Variants in RNF13 observed in about 807,000 individuals in gnomAD.
RNF13 encodes the protein E3 ubiquitin-protein ligase RNF13.
In RNF13, 19 loss-of-function variants were observed where a neutral mutation model predicts 37.7. The observed-to-expected ratio is 0.50, with a 90% confidence interval of 0.35 to 0.74. RNF13 has a LOEUF of 0.74. RNF13 is among the 30% of genes least tolerant of loss of function. The probability of loss-of-function intolerance (pLI) is 0.01; values close to 1 mark genes in which losing one functional copy is unlikely to be tolerated. For synonymous variants in RNF13, 144 were observed against 157.8 expected (o/e 0.91, Z 0.65); for missense variants, 375 against 453.0 (o/e 0.83, Z 1.56).
rs1360265141 is a variant in RNF13, at chr3:149,934,220, A to G, written c.700+12993A>G. Among the ~76,000 whole-genome samples, 11 of 151,902 alleles carry G rather than the reference A, an allele frequency of 7.2e-5. No individual in the cohort carries two copies. In the South Asian group the frequency reaches 2.1e-3, roughly 29 times the overall value. ...ATTATATTCTAGGGTATTGATTGTA[A>G]TTTTTTTCATTTATACTTTGAGTGT... is the stretch of plus-strand genomic sequence containing the variant. On this transcript the variant is annotated intron_variant, in intron 8 of 9. Coordinates refer to ENST00000392894, the MANE Select transcript of RNF13 (RefSeq NM_183381.3).
intron 1 of RNF13, among the ~76,000 whole-genome samples, chr3:149,816,259 G>T (rs1003382156): frequency 8.6e-5 from 13 of 152,026 alleles, no homozygotes; most frequent in Non-Finnish European, 1.8e-4. Flanking sequence ...CATAACTTCT[G>T]AGTTCACACA....
chr3:149,946,800 T>C (rs1244780069), intron 8 of RNF13, among the ~76,000 whole-genome samples: 1 of 152,210 alleles, frequency 6.6e-6, no homozygotes, highest in Non-Finnish European at 1.5e-5. Flanking sequence ...TTCCTGTTTG[T>C]TTCATTTGTC....
At chr3:149,853,599 A>G (rs1723356520) in intron 3 of RNF13, among the ~76,000 whole-genome samples, 1 of 152,034 alleles carries the variant, frequency 6.6e-6, no homozygotes, top group Admixed American at 6.6e-5. Flanking sequence ...ATTGTTTGCC[A>G]TATATGCTTC....
chr3:149,926,337 G>A (rs986412683), intron 8 of RNF13, among the ~76,000 whole-genome samples: 1 of 151,922 alleles, frequency 6.6e-6, no homozygotes, highest in Non-Finnish European at 1.5e-5. Context: ...TCATCCTGCC[G>A]AGTAGCTGGG....
At chr3:149,829,039 A>G (rs796888097) in intron 1 of RNF13, among the ~76,000 whole-genome samples, 97 of 152,314 alleles carry the variant, frequency 6.4e-4, no homozygotes, top group African/African-American at 2.3e-3. Context: ...GAGAAACTAT[A>G]ACTTTGGGAT....
chr3:149,850,161 G>A (rs914191024), intron 2 of RNF13, among the ~76,000 whole-genome samples: 12 of 152,032 alleles, frequency 7.9e-5, no homozygotes, highest in African/African-American at 2.4e-4. Flanking sequence ...TGTATTTTTA[G>A]TAGAGATGGG....
At chr3:149,945,578 C>T (rs1194157772) in intron 8 of RNF13, among the ~76,000 whole-genome samples, 1 of 152,094 alleles carries the variant, frequency 6.6e-6, no homozygotes, top group Non-Finnish European at 1.5e-5. Flanking sequence ...AGTGGTTCTC[C>T]CAGCACGCAG....
At chr3:149,842,117 AGT>A (rs1325026958) in intron 1 of RNF13, among the ~76,000 whole-genome samples, 1 of 151,882 alleles carries the variant, frequency 6.6e-6, no homozygotes, top group Non-Finnish European at 1.5e-5. Context: ...TATCCCTCAG[AGT>A]TTTTTAGTCC....
At chr3:149,831,064 A>G (rs982936856) in intron 1 of RNF13, among the ~76,000 whole-genome samples, 2 of 152,258 alleles carry the variant, frequency 1.3e-5, no homozygotes, top group African/African-American at 4.8e-5. Context: ...CAGAGAATGT[A>G]TGGAAATGCC....
intron 1 of RNF13, among the ~76,000 whole-genome samples, chr3:149,823,557 A>G (rs1720200443): frequency 1.3e-5 from 2 of 152,188 alleles, no homozygotes; most frequent in African/African-American, 2.4e-5. Flanking sequence ...AATCAGAAGT[A>G]TGGAAAGATT....
chr3:149,893,084 C>A (rs1714883663), intron 4 of RNF13, among the ~76,000 whole-genome samples: 1 of 152,122 alleles, frequency 6.6e-6, no homozygotes, highest in Admixed American at 6.5e-5. Flanking sequence ...CTGAAATTTC[C>A]TTAAGGATAA....
At chr3:149,857,079 A>G (rs1485801894) in intron 3 of RNF13, among the ~76,000 whole-genome samples, 1 of 152,168 alleles carries the variant, frequency 6.6e-6, no homozygotes, top group Non-Finnish European at 1.5e-5. Flanking sequence ...CTGCCCAGAA[A>G]GTTTAGGTGA....
intron 8 of RNF13, among the ~76,000 whole-genome samples, chr3:149,941,551 T>C (rs1720278774): frequency 6.7e-6 from 1 of 149,988 alleles, no homozygotes; most frequent in African/African-American, 2.4e-5. Context: ...TTTTTTTTTT[T>C]ACTGTTGAGT....
chr3:149,870,089 G>A (rs1005565803), intron 3 of RNF13, among the ~76,000 whole-genome samples: 54 of 151,904 alleles, frequency 3.6e-4, no homozygotes, highest in Admixed American at 3.5e-3. Flanking sequence ...GCTAGGGATT[G>A]TAGTCCTGCT....
At chr3:149,852,814 G>A (rs531305257) in intron 3 of RNF13, among the ~76,000 whole-genome samples, 16 of 151,868 alleles carry the variant, frequency 1.1e-4, no homozygotes, top group African/African-American at 3.9e-4. Flanking sequence ...TAACATTTTG[G>A]TATATCACAT....
intron 1 of RNF13, among the ~76,000 whole-genome samples, chr3:149,841,969 C>T (rs1051260019): frequency 8.5e-5 from 13 of 152,078 alleles, no homozygotes; most frequent in Admixed American, 6.6e-4. Context: ...GACCCTCTTG[C>T]GCCTTCTCCA....
intron 8 of RNF13, among the ~76,000 whole-genome samples, chr3:149,953,963 TCA>T (rs1721605843): frequency 1.3e-5 from 2 of 152,304 alleles, no homozygotes. Flanking sequence ...TCATCAAAAT[TCA>T]GTTATTAAAC....
intron 6 of RNF13, among the ~76,000 whole-genome samples, chr3:149,905,912 C>T (rs1236576348): frequency 6.6e-6 from 1 of 152,120 alleles, no homozygotes; most frequent in African/African-American, 2.4e-5. Flanking sequence ...CTGCAATCAT[C>T]ATCACATTCT....
chr3:149,820,159 T>C (rs1311386817), intron 1 of RNF13, among the ~76,000 whole-genome samples: 6 of 152,160 alleles, frequency 3.9e-5, no homozygotes. Context: ...GAGTTAGAAA[T>C]ACGTTGACCT....
Sources: allele counts gnomAD v4.1 joint callset (sites outside exome capture counted in the v4.1 genomes callset), GRCh38; gene constraint gnomAD v4.1.1; transcripts MANE v1.5; gene names NCBI Gene and HGNC (gene_info 2026-07-23, HGNC 2026-07-21).